TRPM1: variants seen among roughly 807,000 people sequenced by gnomAD.
TRPM1 encodes the protein transient receptor potential cation channel subfamily M member 1, also known as TRPM1-203 APA Isoform, Intron 10.
In TRPM1, 113 loss-of-function variants were observed where a neutral mutation model predicts 149.4. The ratio of observed to expected loss-of-function variants is 0.76; its 90% confidence interval spans 0.65 to 0.88. TRPM1 has a LOEUF of 0.88. Ranked by LOEUF, TRPM1 falls within the 40% of genes least tolerant of loss-of-function variation. TRPM1 has a pLI of 0.00. For missense variants in TRPM1, 1,976 were observed against 2,038.7 expected (o/e 0.97, Z 0.59); for synonymous variants, 741 against 759.5 (o/e 0.98, Z 0.40).
At chr15:31,152,380 G>A (rs138329597) in intron 1 of TRPM1, among the ~76,000 whole-genome samples, 17 of 152,318 alleles carry the variant, frequency 1.1e-4, no homozygotes, top group African/African-American at 4.1e-4. Context: ...CCTGGGCACT[G>A]CTGCCCTGGA....
rs935188103 is a variant in TRPM1 at position 31,050,444 on chromosome 15, C to G, written c.1402G>C (p.Glu468Gln). 8 of 1,613,874 alleles carry G rather than the reference C, an allele frequency of 5.0e-6. No homozygotes were observed. The Admixed American group carries it at 1.0e-4, about 20-fold the overall frequency. ...AGCTCTATCTTCCGGGGGTCAGTTT[C>G]TTCCTCCACTTCCTCTTTCACTTTC... ...KGKVKEEVEE[E>Q]TDPRKIELLN... Residue 468 changes from glutamate (E) to glutamine (Q), a missense_variant, in exon 12 of 28, where the codon GAA becomes CAA. Glu to Gln is a conservative substitution (Grantham distance 29). Around this residue, in one of 3 missense-constraint regions of TRPM1, gnomAD observed 1,332 missense variants for 1,347.1 expected, o/e 0.99. Coordinates refer to ENST00000256552, the MANE Select transcript of TRPM1 (RefSeq NM_001252024.2).
intron 3 of TRPM1, among the ~76,000 whole-genome samples, chr15:31,073,911 G>T (rs2034623911): frequency 6.6e-6 from 1 of 152,032 alleles, no homozygotes; most frequent in African/African-American, 2.4e-5. Flanking sequence ...TTTTTATAAA[G>T]AGTGTTGAGT....
intron 1 of TRPM1, among the ~76,000 whole-genome samples, chr15:31,122,801 T>C (rs1367054687): frequency 6.6e-6 from 1 of 152,138 alleles, no homozygotes; most frequent in Non-Finnish European, 1.5e-5. Flanking sequence ...CCCCAGCAAG[T>C]AAGTTATTTG....
intron 1 of TRPM1, among the ~76,000 whole-genome samples, chr15:31,132,663 C>T (rs545093422): frequency 1.6e-4 from 25 of 152,316 alleles, no homozygotes; most frequent in African/African-American, 5.1e-4. Flanking sequence ...CCCGACAGGG[C>T]GCCAGTGATA....
At position 31,089,000 on chromosome 15, in the gene TRPM1, A is replaced by G. The variant is rs1230360002; in HGVS notation, c.-83-7562T>C. On this transcript the variant is annotated intron_variant, in intron 1 of 27. Coordinates refer to ENST00000256552, the MANE Select transcript of TRPM1 (RefSeq NM_001252024.2). ...TTTCTTGGCTGATGGGCAGTTCTAG[A>G]TTTAGGGTGAGGCAAGTGAGGCACT... Among the ~76,000 whole-genome samples, 4 of 152,270 alleles carry G rather than the reference A, an allele frequency of 2.6e-5. No individual in the cohort carries two copies. In the South Asian group the frequency reaches 6.2e-4, roughly 24 times the overall value.
intron 3 of TRPM1, among the ~76,000 whole-genome samples, chr15:31,071,542 A>T (rs1243699816): frequency 6.7e-6 from 1 of 149,436 alleles, no homozygotes; most frequent in Non-Finnish European, 1.5e-5. Flanking sequence ...TCGCTTCCCC[A>T]TTCTCTCCCT....
At position 31,001,602 on chromosome 15, in the gene TRPM1, A is replaced by G; in HGVS notation, c.*220T>C. On this transcript the variant is annotated 3_prime_UTR_variant, in exon 28 of 28. Coordinates refer to ENST00000256552, the MANE Select transcript of TRPM1 (RefSeq NM_001252024.2). ...TTAGCCAATTTATCTTCGTTACAGT[A>G]TCATCACTTTCATTTGATACTACTG... 1.6e-6 allele frequency: 1 copy of G among 606,564 alleles called. No individual in the cohort carries two copies. The highest frequency in any genetic ancestry group is 2.9e-6 in the Non-Finnish European group (1 of 347,194). The allele number at this position is 606,564 out of a possible 1,614,324, so 37.6% of individuals were successfully genotyped here.
At chr15:31,088,653 C>T (rs913830884) in intron 1 of TRPM1, among the ~76,000 whole-genome samples, 1 of 152,216 alleles carries the variant, frequency 6.6e-6, no homozygotes, top group Non-Finnish European at 1.5e-5. Flanking sequence ...ACATGCCACA[C>T]TCACGGACTA....
chr15:31,108,849 C>T (rs1353920925), intron 1 of TRPM1, among the ~76,000 whole-genome samples: 1 of 152,152 alleles, frequency 6.6e-6, no homozygotes, highest in African/African-American at 2.4e-5. Context: ...GAAATTTTGA[C>T]TGTAATGAAG....
At position 31,047,101 on chromosome 15, in the gene TRPM1, T is replaced by A; in HGVS notation, c.1764+10A>T. 1.2e-6 allele frequency: 2 copies of A among 1,614,218 alleles called. No homozygotes were observed. Among genetic ancestry groups the A allele is most frequent in the South Asian group, 1.1e-5 (1 of 91,088 alleles). Reference sequence around the variant, plus strand: ...GAACCACAGAACACTACACAGGCACTGAGTTCTACCCTCTTTGGTCCAAAC... The same window carrying A: ...GAACCACAGAACACTACACAGGCACAGAGTTCTACCCTCTTTGGTCCAAAC... On this transcript the variant is annotated intron_variant, in intron 15 of 27. Coordinates refer to ENST00000256552, the MANE Select transcript of TRPM1 (RefSeq NM_001252024.2).
In TRPM1 at chr15:31,035,674, T is replaced by C. The variant is rs886051030; in HGVS notation, c.2572A>G (p.Ile858Val). 1.2e-6 allele frequency: 2 copies of C among 1,614,202 alleles called. No individual in the cohort carries two copies. The highest frequency in any genetic ancestry group is 8.5e-7 in the Non-Finnish European group (1 of 1,180,034). ...AGCAGCAGGTAGCCCAAGTATGATA[T>C]CTGAAAGAAAGACAAGCTGTTAGCC... Reference protein sequence around the residue: ...APIVKFWFYTISYLGYLLLFN... With the variant: ...APIVKFWFYTVSYLGYLLLFN... The change falls in exon 21 of 28, where the codon ATA becomes GTA. Residue 858 changes from isoleucine (I) to valine (V), a missense_variant and splice_region_variant. Transcript: ENST00000256552.
Position 31,063,102 on chromosome 15 carries a change from G to A in TRPM1, c.965+16C>T, listed in dbSNP as rs1006750140. The A allele has an allele frequency of 1.2e-5, 20 of 1,613,996 alleles. No homozygotes were observed. Among genetic ancestry groups the A allele is most frequent in the Non-Finnish European group, 1.6e-5 (19 of 1,180,032 alleles). On this transcript the variant is annotated intron_variant, in intron 8 of 27. Coordinates refer to ENST00000256552, the MANE Select transcript of TRPM1 (RefSeq NM_001252024.2). ...GAGTTACGAACCCGCCCTTCCTCGC[G>A]CGTCAGAAATCCTACCCGCCTTCTT... is the stretch of plus-strand genomic sequence containing the variant.
chr15:31,149,504 C>T (rs1389245998), intron 1 of TRPM1, among the ~76,000 whole-genome samples: 2 of 150,248 alleles, frequency 1.3e-5, no homozygotes, highest in East Asian at 1.9e-4. Flanking sequence ...TGCTATAGCT[C>T]GTCATGTGCA....
chr15:31,004,994 T>C (rs1338680215), intron 27 of TRPM1, among the ~76,000 whole-genome samples: 21 of 152,066 alleles, frequency 1.4e-4, no homozygotes, highest in Non-Finnish European at 1.5e-5. Context: ...CCCAGCTACT[T>C]GGGAGGCTGA....
Position 31,042,166 on chromosome 15 carries a change from G to T in TRPM1, c.1872C>A (p.Asp624Glu). The part of the protein sequence containing the change: ...KEEEIDIDVD[D>E]PAVSRFQYPF... ...GATACTGGAACCGACTCACGGCAGG[G>T]TCGTCCACATCAATGTCGATCTCTT... is the stretch of plus-strand genomic sequence containing the variant. Residue 624 changes from aspartate to glutamate, a missense_variant, in exon 17 of 28, where the codon GAC becomes GAA. By Grantham distance (45) the Asp-to-Glu change is conservative. This residue lies in a region of TRPM1 where 1,332 missense variants were observed against 1,347.1 expected (regional missense o/e 0.99). Transcript: ENST00000256552. 1.9e-6 allele frequency: 3 copies of T among 1,614,118 alleles called. No individual in the cohort carries two copies. The highest frequency in any genetic ancestry group is 2.5e-6 in the Non-Finnish European group (3 of 1,179,996).
chr15:31,100,191 C>T (rs2035483267), intron 1 of TRPM1, among the ~76,000 whole-genome samples: 1 of 151,852 alleles, frequency 6.6e-6, no homozygotes, highest in African/African-American at 2.4e-5. Context: ...CCTCTCCTGC[C>T]TCAGCCTCTC....
At chr15:31,081,841 G>A (rs1394485751) in intron 1 of TRPM1, among the ~76,000 whole-genome samples, 1 of 152,150 alleles carries the variant, frequency 6.6e-6, no homozygotes, top group Non-Finnish European at 1.5e-5. Context: ...TTGCCAGCAG[G>A]GCACACATGA....
chr15:31,026,069 C>A (rs1389627637), intron 27 of TRPM1, 70 bp downstream of exon 27: 1 of 1,597,828 alleles, frequency 6.3e-7, no homozygotes, highest in African/African-American at 1.3e-5. Context: ...TCTGGCATCC[C>A]CCATAGAGTG....
intron 27 of TRPM1, among the ~76,000 whole-genome samples, chr15:31,016,962 TACACAC>T (rs36176052): frequency 0.019 from 1,720 of 89,452 alleles, 27 homozygotes; most frequent in African/African-American, 0.054. Flanking sequence ...AAACCTGGCG[TACACAC>T]ACACACACAC....
Sources: gnomAD v4.1 joint callset for allele counts (sites outside exome capture counted in the v4.1 genomes callset) on GRCh38, gnomAD v4.1.1 for gene constraint, gnomAD v4.1.1 regional missense constraint, MANE v1.5 for transcripts, NCBI Gene and HGNC (gene_info 2026-07-23, HGNC 2026-07-21) for gene names.